The following TENM3 variants were observed in gnomAD, a reference collection of about 807,000 sequenced individuals.
TENM3 encodes the protein teneurin transmembrane protein 3.
Under a neutral mutation model 255.1 loss-of-function variants are expected in TENM3, and 63 were observed. The ratio of observed to expected loss-of-function variants is 0.25; its 90% CI spans 0.20 to 0.30. The LOEUF is 0.30. Ranked by LOEUF, TENM3 falls within the 10% of genes least tolerant of loss-of-function variation. TENM3 has a pLI of 1.00. For missense variants in TENM3, 2,929 were observed against 3,461.1 expected (o/e 0.85, Z 3.86); for synonymous variants, 1,306 against 1,322.3 (o/e 0.99, Z 0.27).
At chr4:182,150,727 A>G (rs1222275142) in intron 1 of TENM3, among the ~76,000 whole-genome samples, 3 of 152,102 alleles carry the variant, frequency 2.0e-5, no homozygotes, top group African/African-American at 4.8e-5. Flanking sequence ...TATTTTAGTC[A>G]TTCTTTCCTT....
chr4:182,175,411 A>C (rs1370255667), intron 1 of TENM3, among the ~76,000 whole-genome samples: 1 of 151,530 alleles, frequency 6.6e-6, no homozygotes, highest in Non-Finnish European at 1.5e-5. Flanking sequence ...CTGTTTTTTC[A>C]GTGGTATTCT....
At chr4:182,492,252 A>G (rs1735369864) in intron 3 of TENM3, among the ~76,000 whole-genome samples, 1 of 152,188 alleles carries the variant, frequency 6.6e-6, no homozygotes. Flanking sequence ...GTTCAGTAAT[A>G]TAAGCTAACA....
At chr4:181,466,580 A>G in the TENM3 span, among the ~76,000 whole-genome samples, 1 of 152,200 alleles carries the variant, frequency 6.6e-6, no homozygotes, top group African/African-American at 2.4e-5. Flanking sequence ...GGTAGAAAGA[A>G]GAACACATCA....
chr4:182,098,103 C>G, the TENM3 span, among the ~76,000 whole-genome samples: 3 of 152,268 alleles, frequency 2.0e-5, no homozygotes, highest in Admixed American at 6.5e-5. Flanking sequence ...TACTAATCAT[C>G]AGAGAAATGC....
chr4:182,078,383 G>A, the TENM3 span, among the ~76,000 whole-genome samples: 21 of 152,026 alleles, frequency 1.4e-4, no homozygotes, highest in East Asian at 3.9e-4. Flanking sequence ...TTAGCCGGGC[G>A]TGGTGGTGTG....
At chr4:182,093,939 C>G in the TENM3 span, among the ~76,000 whole-genome samples, 1 of 152,114 alleles carries the variant, frequency 6.6e-6, no homozygotes, top group Non-Finnish European at 1.5e-5. Flanking sequence ...ATAGATTTGC[C>G]TTTATATTCC....
the TENM3 span, among the ~76,000 whole-genome samples, chr4:182,052,084 T>C: frequency 0.71 from 107,429 of 151,822 alleles, 41,103 homozygotes; most frequent in East Asian, 0.9. Flanking sequence ...CATAGAGAAG[T>C]CCCCACAGCA....
intron 12 of TENM3, among the ~76,000 whole-genome samples, chr4:182,690,618 G>A (rs773605180): frequency 2.6e-5 from 4 of 152,152 alleles, no homozygotes; most frequent in Non-Finnish European, 5.9e-5. Context: ...ACAAACACGT[G>A]TGTATAGCTT....
chr4:182,670,721 G>A (rs1477085014), intron 6 of TENM3, among the ~76,000 whole-genome samples: 2 of 152,102 alleles, frequency 1.3e-5, no homozygotes, highest in Admixed American at 1.3e-4. Flanking sequence ...AATTTTTTGT[G>A]AATTGCTTCA....
chr4:182,314,812 G>T (rs1762657595), intron 1 of TENM3, among the ~76,000 whole-genome samples: 1 of 152,072 alleles, frequency 6.6e-6, no homozygotes, highest in Admixed American at 6.6e-5. Flanking sequence ...CTTGCTATTT[G>T]CATTTGATCT....
the TENM3 span, among the ~76,000 whole-genome samples, chr4:181,695,393 CA>C: frequency 6.6e-6 from 1 of 152,078 alleles, no homozygotes; most frequent in African/African-American, 2.4e-5. Flanking sequence ...GAGTAATCCC[CA>C]AATCAATTAC....
At chr4:181,995,556 A>G in the TENM3 span, among the ~76,000 whole-genome samples, 10 of 152,180 alleles carry the variant, frequency 6.6e-5, no homozygotes, top group Admixed American at 3.3e-4. Context: ...TTGTTTAGGT[A>G]TATAATTTCC....
intron 2 of TENM3, among the ~76,000 whole-genome samples, chr4:182,331,474 A>G (rs558107177): frequency 6.6e-6 from 1 of 152,240 alleles, no homozygotes; most frequent in East Asian, 1.9e-4. Flanking sequence ...TGAACCCTTG[A>G]GATGGAGGTT....
At position 182,729,198 on chromosome 4, in the gene TENM3, C is replaced by G. The variant is rs1468832856; in HGVS notation, c.2585+17C>G. On this transcript the variant is annotated intron_variant, in intron 14 of 27. Coordinates refer to ENST00000511685, the MANE Select transcript of TENM3 (RefSeq NM_001080477.4). Reference sequence around the variant, plus strand: ...CAATAAGAGGTTAATGCTTCTTTTCCATATGTAGATTTGTAATGATGTTAT... The same window carrying G: ...CAATAAGAGGTTAATGCTTCTTTTCGATATGTAGATTTGTAATGATGTTAT... 16 of 1,585,816 alleles carry G rather than the reference C, an allele frequency of 1.0e-5. No homozygotes were observed. Among genetic ancestry groups the G allele is most frequent in the Non-Finnish European group, 1.4e-5 (16 of 1,154,562 alleles).
At chr4:182,681,694 GTAGA>G (rs1254385019) in intron 10 of TENM3, 116 bp from the exon 11 acceptor site, 1 of 709,184 alleles carries the variant, frequency 1.4e-6, no homozygotes, top group African/African-American at 1.8e-5. Context: ...CTTGAAAATG[GTAGA>G]TAAATATTTG....
the TENM3 span, among the ~76,000 whole-genome samples, chr4:181,940,720 G>T: frequency 4.6e-5 from 7 of 152,174 alleles, no homozygotes; most frequent in Non-Finnish European, 1.0e-4. Flanking sequence ...CAAAGTCCCC[G>T]TGGTAGCCAG....
In TENM3 at chr4:182,526,512, G is replaced by T. The variant is rs188904082; in HGVS notation, c.512-74412G>T. Among the ~76,000 whole-genome samples, 32 of 152,172 alleles carry T rather than the reference G, an allele frequency of 2.1e-4. No individual in the cohort carries two copies. The East Asian group carries it at 3.7e-3, about 17-fold the overall frequency. ...ATACCTGACATCGTTGTCAGGTATA[G>T]ACATGCACTCAAAGTTAAAGGAAAT... On this transcript the variant is annotated intron_variant, in intron 3 of 27. Transcript: ENST00000511685.
At chr4:182,075,829 G>A in the TENM3 span, among the ~76,000 whole-genome samples, 1 of 152,084 alleles carries the variant, frequency 6.6e-6, no homozygotes, top group East Asian at 1.9e-4. Flanking sequence ...GGGAACCTGT[G>A]GCCCAGACTG....
chr4:181,458,671 G>C, the TENM3 span, among the ~76,000 whole-genome samples: 1 of 151,776 alleles, frequency 6.6e-6, no homozygotes, highest in Non-Finnish European at 1.5e-5. Flanking sequence ...CAATCCATCT[G>C]ATGCATTGCT....
Sources: allele counts gnomAD v4.1 joint callset (sites outside exome capture counted in the v4.1 genomes callset), GRCh38; gene constraint gnomAD v4.1.1; transcripts MANE v1.5; gene names NCBI Gene and HGNC (gene_info 2026-07-23, HGNC 2026-07-21).